The following CTTNBP2 variants were observed in gnomAD, a reference collection of about 807,000 sequenced individuals.
CTTNBP2 encodes the protein cortactin-binding protein 2.
CTTNBP2 carries 108 observed loss-of-function variants against 156.9 expected under a neutral mutation model. The ratio of observed to expected loss-of-function variants is 0.69; its 90% CI spans 0.59 to 0.81. CTTNBP2 has a LOEUF of 0.81. Ranked by LOEUF, CTTNBP2 falls within the 30% of genes least tolerant of loss-of-function variation. CTTNBP2 has a pLI of 0.00. For missense variants in CTTNBP2, 1,924 were observed against 2,035.4 expected, an observed-to-expected ratio of 0.95 and a Z score of 1.05; for synonymous variants, 767 against 751.8, an observed-to-expected ratio of 1.02 and a Z score of -0.33.
Position 117,777,745 on chromosome 7 carries a change from G to C in CTTNBP2, c.2544C>G (p.His848Gln). The C allele has an allele frequency of 6.2e-7, 1 of 1,608,918 alleles. No homozygotes were observed. The highest frequency in any genetic ancestry group is 8.5e-7 in the Non-Finnish European group (1 of 1,175,752). ...VKTTDGWTPV[H>Q]AAVDTGNVDS... is the part of the protein sequence containing the mutation. ...CCACATTACCAGTGTCCACAGCTGC[G>C]TGAACTGGTGTCCAGCCATCCTGAA... The change falls in exon 8 of 23, where the codon CAC (histidine) becomes CAG (glutamine). Residue 848 changes from histidine (H) to glutamine (Q), a missense_variant. By Grantham distance (24) the His-to-Gln change is conservative. Coordinates refer to ENST00000160373, the MANE Select transcript of CTTNBP2 (RefSeq NM_033427.3).
intron 5 of CTTNBP2, 101 bp from the exon 6 acceptor site, chr7:117,783,062 T>C: frequency 1.4e-6 from 1 of 737,112 alleles, no homozygotes; most frequent in South Asian, 1.8e-5. Context: ...AAAGGGACTC[T>C]CCCCTGCACA....
Position 117,745,937 on chromosome 7 carries a change from T to C in CTTNBP2, c.3436-7A>G. 1.2e-6 allele frequency: 2 copies of C among 1,613,778 alleles called. No homozygotes were observed. Among genetic ancestry groups the C allele is most frequent in the South Asian group, 2.2e-5 (2 of 91,056 alleles). On this transcript the variant is annotated splice_polypyrimidine_tract_variant and splice_region_variant and intron_variant, in intron 13 of 22. Coordinates refer to ENST00000160373, the MANE Select transcript of CTTNBP2 (RefSeq NM_033427.3). ...CTGCAGCCATTTGTCTGTGCTGTGA[T>C]AAGAAAATAGGGTGATTAGTTCTAC...
At chr7:117,857,753 A>G (rs1803425189) in intron 2 of CTTNBP2, among the ~76,000 whole-genome samples, 1 of 152,168 alleles carries the variant, frequency 6.6e-6, no homozygotes, top group African/African-American at 2.4e-5. Flanking sequence ...TTACCGATTG[A>G]GGAAATTTTG....
intron 2 of CTTNBP2, among the ~76,000 whole-genome samples, chr7:117,824,975 T>C (rs1208264433): frequency 6.6e-6 from 1 of 152,244 alleles, no homozygotes; most frequent in Non-Finnish European, 1.5e-5. Flanking sequence ...ACTCCATCCT[T>C]GGACCAGTAG....
intron 17 of CTTNBP2, among the ~76,000 whole-genome samples, chr7:117,725,691 T>A (rs1292211348): frequency 7.0e-6 from 1 of 142,920 alleles, no homozygotes; most frequent in Admixed American, 6.9e-5. Context: ...ATTGGGATAC[T>A]TTTTTTTTCT....
chr7:117,853,249 T>C (rs916474677), intron 2 of CTTNBP2, among the ~76,000 whole-genome samples: 6 of 152,188 alleles, frequency 3.9e-5, no homozygotes, highest in African/African-American at 1.4e-4. Context: ...AAAGAAACTG[T>C]TTTAGTTTAA....
At chr7:117,794,875 A>T (rs1563015533) in intron 3 of CTTNBP2, among the ~76,000 whole-genome samples, 11 of 124,098 alleles carry the variant, frequency 8.9e-5, no homozygotes, top group African/African-American at 1.0e-4. Context: ...TTATATGTAT[A>T]TCTTTTTTTT....
intron 22 of CTTNBP2, among the ~76,000 whole-genome samples, chr7:117,717,422 C>A (rs979774332): frequency 6.6e-6 from 1 of 151,342 alleles, no homozygotes; most frequent in African/African-American, 2.4e-5. Context: ...ACCTTAGGAA[C>A]AACCAAGATG....
At chr7:117,712,978 G>T (rs1794142765) in intron 22 of CTTNBP2, among the ~76,000 whole-genome samples, 1 of 152,208 alleles carries the variant, frequency 6.6e-6, no homozygotes, top group African/African-American at 2.4e-5. Context: ...GTGAGCGGGG[G>T]CGAGCCAGTA....
chr7:117,718,349 AAAG>A (rs569577010), intron 21 of CTTNBP2, among the ~76,000 whole-genome samples: 336 of 152,344 alleles, frequency 2.2e-3, no homozygotes, highest in African/African-American at 7.6e-3. Context: ...TAAAACGTCA[AAAG>A]AAGACCAGAA....
chr7:117,836,784 C>T (rs1801976525), intron 2 of CTTNBP2, among the ~76,000 whole-genome samples: 1 of 151,984 alleles, frequency 6.6e-6, no homozygotes. Context: ...TGGCAGCAGG[C>T]AAGAGAGAAA....
chr7:117,810,695 C>T, intron 3 of CTTNBP2, 70 bp downstream of exon 3: 1 of 1,253,086 alleles, frequency 8.0e-7, no homozygotes. Flanking sequence ...GAAGAACAAA[C>T]AACTTTGGAG....
At chr7:117,862,802 C>A (rs533747402) in intron 1 of CTTNBP2, among the ~76,000 whole-genome samples, 2 of 152,194 alleles carry the variant, frequency 1.3e-5, no homozygotes, top group Non-Finnish European at 2.9e-5. Context: ...CTAATTTACA[C>A]CATATTGCCA....
chr7:117,726,780 C>T (rs1212836286), intron 17 of CTTNBP2, among the ~76,000 whole-genome samples: 1 of 152,140 alleles, frequency 6.6e-6, no homozygotes, highest in East Asian at 1.9e-4. Context: ...ACATGGGCTA[C>T]TATGTATCAC....
intron 2 of CTTNBP2, among the ~76,000 whole-genome samples, chr7:117,853,444 T>C (rs758725997): frequency 6.6e-6 from 1 of 152,166 alleles, no homozygotes; most frequent in Non-Finnish European, 1.5e-5. Context: ...GACCCTTGTT[T>C]CCTCTTATAA....
At chr7:117,796,905 C>G (rs1367667599) in intron 3 of CTTNBP2, among the ~76,000 whole-genome samples, 2 of 152,126 alleles carry the variant, frequency 1.3e-5, no homozygotes, top group Non-Finnish European at 2.9e-5. Context: ...GACTAATTCT[C>G]CTGCAGATAA....
chr7:117,714,049 A>G (rs1331694638), intron 22 of CTTNBP2: 1 of 152,254 alleles, frequency 6.6e-6, no homozygotes, highest in African/African-American at 2.4e-5. Context: ...GGAAGCCTGG[A>G]AAAAGGCTGA....
At chr7:117,721,313 T>C (rs757737261) in intron 19 of CTTNBP2, among the ~76,000 whole-genome samples, 183 bp from the exon 20 acceptor site, 6 of 152,190 alleles carry the variant, frequency 3.9e-5, no homozygotes, top group Non-Finnish European at 4.4e-5. Context: ...AGAGGCACTG[T>C]GGGAAAGTCA....
chr7:117,728,540 G>GA (rs1203689595), intron 16 of CTTNBP2, among the ~76,000 whole-genome samples: 1 of 152,120 alleles, frequency 6.6e-6, no homozygotes, highest in Admixed American at 6.5e-5. Flanking sequence ...GAGGCAGGAA[G>GA]AAAAAATAAC....
Sources: allele counts gnomAD v4.1 joint callset (sites outside exome capture counted in the v4.1 genomes callset), GRCh38; gene constraint gnomAD v4.1.1; transcripts MANE v1.5; gene names NCBI Gene and HGNC (gene_info 2026-07-23, HGNC 2026-07-21).